The following ZBTB17 variants were observed in gnomAD, a reference collection of about 807,000 sequenced individuals.
ZBTB17 encodes the protein zinc finger and BTB domain containing 17.
In ZBTB17, 24 loss-of-function variants were observed where a neutral mutation model predicts 85.1. That is an observed-to-expected ratio of 0.28 (90% CI 0.20 to 0.40). The LOEUF is 0.40. ZBTB17 is among the 10% of genes least tolerant of loss of function. The pLI is 1.00. For synonymous variants in ZBTB17, 464 were observed against 460.2 expected (o/e 1.01, Z -0.11); for missense variants, 743 against 1,105.1 (o/e 0.67, Z 4.65).
intron 2 of ZBTB17, among the ~76,000 whole-genome samples, chr1:15,972,324 A>G (rs1421050936): frequency 6.6e-6 from 1 of 152,222 alleles, no homozygotes; most frequent in Non-Finnish European, 1.5e-5. Context: ...AAGCCAGAGC[A>G]GCCTGCCTTG....
Position 15,943,428 on chromosome 1 carries a change from C to T in ZBTB17, c.1668G>A (p.Lys556=). Residue 556 remains lysine (K), a synonymous_variant, in exon 12 of 16, where the codon AAG becomes AAA. Transcript: ENST00000375743. ...TGCCGCAGCGCTCGCAGACGTAGGG[C>T]TTCTCCCCGGTGTGCTGGCGCACGT... The part of the protein sequence containing the change: ...IAHVRQHTGE[K]PYVCERCGKR... 6.2e-7 allele frequency: 1 copy of T among 1,608,306 alleles called. No individual in the cohort carries two copies. The highest frequency in any genetic ancestry group is 2.2e-5 in the East Asian group (1 of 44,796).
chr1:15,954,576 G>A (rs1270126171), intron 2 of ZBTB17, among the ~76,000 whole-genome samples: 1 of 152,130 alleles, frequency 6.6e-6, no homozygotes, highest in Admixed American at 6.6e-5. Flanking sequence ...ACTTCCAAAG[G>A]AGCCAGGCAC....
Position 15,946,973 on chromosome 1 carries a change from G to A in ZBTB17, c.356C>T (p.Thr119Ile). 1 of 1,613,676 alleles carries A rather than the reference G, an allele frequency of 6.2e-7. No individual in the cohort carries two copies. The highest frequency in any genetic ancestry group is 1.1e-5 in the South Asian group (1 of 91,078). ...HALKSLAEPA[T>I]SPGGNAEALA... ...GGCCTCCGCATTTCCCCCAGGGCTG[G>A]TAGCCGGCTCAGCAAGTGACTTGAG... The change falls in exon 4 of 16, where the codon ACC becomes ATC. Residue 119 changes from threonine to isoleucine, a missense_variant. This residue lies in a region of ZBTB17 where 279 missense variants were observed against 269.9 expected (regional missense o/e 1.03). Transcript: ENST00000375743.
chr1:15,948,132 G>C (rs764219882), intron 3 of ZBTB17, 159 bp downstream of exon 3: 1 of 834,458 alleles, frequency 1.2e-6, no homozygotes, highest in African/African-American at 1.7e-5. Context: ...CAAAAGGTGG[G>C]AGGAACTTAG....
In ZBTB17 at chr1:15,973,984, G is replaced by C. The variant is rs2148821032; in HGVS notation, c.-89-859C>G. On this transcript the variant is annotated intron_variant, in intron 1 of 15. Coordinates refer to ENST00000375743, the MANE Select transcript of ZBTB17 (RefSeq NM_003443.3). This position sits in a 1 kb window ranked among gnomAD's most constrained non-coding sequence, Gnocchi z 4.1. ...GCGGGAGGATCATTTGAGGCCAAGA[G>C]TTCGAGACCAGTCTGGGCAACATAG... 6.6e-6 allele frequency among the ~76,000 whole-genome samples: 1 copy of C among 152,100 alleles called. No individual in the cohort carries two copies. The highest frequency in any genetic ancestry group is 2.4e-5 in the African/African-American group (1 of 41,490).
At chr1:15,958,135 A>G (rs1402721451) in intron 2 of ZBTB17, among the ~76,000 whole-genome samples, 1 of 152,180 alleles carries the variant, frequency 6.6e-6, no homozygotes, top group East Asian at 1.9e-4. Context: ...CACCATAAAT[A>G]CGAGTGTGCA....
intron 2 of ZBTB17, among the ~76,000 whole-genome samples, chr1:15,962,467 C>T (rs1021871602): frequency 2.6e-5 from 4 of 152,034 alleles, no homozygotes; most frequent in African/African-American, 9.7e-5. Context: ...TGTTTCATGC[C>T]GCCTCACCAG....
In ZBTB17 at chr1:15,943,386, G is replaced by A; in HGVS notation, c.1697+13C>T. On this transcript the variant is annotated intron_variant, in intron 12 of 15. Coordinates refer to ENST00000375743, the MANE Select transcript of ZBTB17 (RefSeq NM_003443.3). ...GGGTGTCTGGCCAGTGGGTGTGGGG[G>A]AGGGGGCAGGACCTCTTGCCGCAGC... 6.3e-7 allele frequency: 1 copy of A among 1,586,586 alleles called. No individual in the cohort carries two copies. The highest frequency in any genetic ancestry group is 8.6e-7 in the Non-Finnish European group (1 of 1,165,322).
intron 2 of ZBTB17, among the ~76,000 whole-genome samples, chr1:15,962,276 C>T (rs2072286525): frequency 6.6e-6 from 1 of 152,174 alleles, no homozygotes; most frequent in African/African-American, 2.4e-5. Flanking sequence ...GTGGGTGGAA[C>T]TGTGCCCTGT....
chr1:15,955,781 C>T (rs182182094), intron 2 of ZBTB17, among the ~76,000 whole-genome samples: 8 of 152,082 alleles, frequency 5.3e-5, no homozygotes, highest in African/African-American at 1.9e-4. Flanking sequence ...TAGTGAGACC[C>T]CATGTCTACA....
intron 2 of ZBTB17, among the ~76,000 whole-genome samples, chr1:15,962,132 G>C (rs2072281551): frequency 6.6e-6 from 1 of 152,160 alleles, no homozygotes; most frequent in South Asian, 2.1e-4. Context: ...ACTTGAGCCT[G>C]GGAGGTTGAG....
chr1:15,957,071 T>C (rs568777406), intron 2 of ZBTB17, among the ~76,000 whole-genome samples: 5 of 150,054 alleles, frequency 3.3e-5, no homozygotes, highest in Non-Finnish European at 7.4e-5. Context: ...TCCCAGCTAC[T>C]CAAGAGGCTG....
chr1:15,943,573 C>A (rs565132468), intron 11 of ZBTB17, 26 bp downstream of exon 11: 4 of 1,612,878 alleles, frequency 2.5e-6, no homozygotes, highest in Non-Finnish European at 3.4e-6. Flanking sequence ...CCCTCCCAGT[C>A]CTGGGCATGG....
Position 15,944,810 on chromosome 1 carries a change from C to T in ZBTB17, c.957G>A (p.Gly319=). The change falls in exon 8 of 16, where the codon GGG becomes GGA. Residue 319 remains glycine, a synonymous_variant. Transcript: ENST00000375743. ...EDCGKEFTHT[G]NFKRHIRIHT... is the part of the protein sequence containing the mutation. ...GGATGCGGATGTGCCGCTTGAAGTTCCCCGTGTGCGTGAACTCCTTCCCAC... is the reference window on the plus strand; with the variant it reads ...GGATGCGGATGTGCCGCTTGAAGTTTCCCGTGTGCGTGAACTCCTTCCCAC... The T allele has an allele frequency of 1.2e-6, 2 of 1,608,624 alleles. No homozygotes were observed. The highest frequency in any genetic ancestry group is 2.2e-5 in the South Asian group (2 of 90,306).
Position 15,945,186 on chromosome 1 carries a change from G to A in ZBTB17, c.678C>T (p.Pro226=), listed in dbSNP as rs79017841. ...TTTGCTCCTCTTCCCCTTTCCGGGC[G>A]GGCTCCACCTCCATTTCTGCGGAGA... ...ESSEQEMEVE[P]ARKGEEEQKE... is the part of the protein sequence containing the mutation. The change falls in exon 7 of 16, where the codon CCC becomes CCT. Residue 226 remains proline, a synonymous_variant. Transcript: ENST00000375743. 49 of 1,555,414 alleles carry A rather than the reference G, an allele frequency of 3.2e-5. No homozygotes were observed. In the African/African-American group the frequency reaches 6.4e-4, roughly 20 times the overall value.
chr1:15,942,000 G>C lies in ZBTB17; in HGVS notation c.2381C>G (p.Thr794Arg). The C allele has an allele frequency of 1.2e-6, 2 of 1,603,782 alleles. No homozygotes were observed. The highest frequency in any genetic ancestry group is 1.7e-6 in the Non-Finnish European group (2 of 1,178,696). The change falls in exon 16 of 16, where the codon ACA becomes AGA. Residue 794 changes from threonine to arginine, a missense_variant. Physicochemically the swap from Thr to Arg is moderately conservative, Grantham distance 71. Around this residue, in one of 4 missense-constraint regions of ZBTB17, gnomAD observed 69 missense variants for 77.0 expected, o/e 0.90. Transcript: ENST00000375743. ...GGCAGGCGGGGGACATTCAGGAGCT[G>C]TAGGGGAGGTCTCTGCCAGTGCGGG... ...GQPALAETSPTAPECPPPAE is the reference protein window; with the variant it reads ...GQPALAETSPRAPECPPPAE
chr1:15,944,036 G>A, intron 9 of ZBTB17, 141 bp from the exon 10 acceptor site: 1 of 979,256 alleles, frequency 1.0e-6, no homozygotes, highest in Non-Finnish European at 1.6e-6. Flanking sequence ...GGTCAGGAGA[G>A]GTCCCAGGTC....
chr1:15,946,033 A>AACACAGGCTC, intron 5 of ZBTB17, 121 bp downstream of exon 5: 1 of 1,563,634 alleles, frequency 6.4e-7, no homozygotes, highest in East Asian at 2.2e-5. Context: ...CATTCTGGGT[A>AACACAGGCTC]ACACAGGCTC....
At chr1:15,950,327 C>CT (rs2071787535) in intron 2 of ZBTB17, among the ~76,000 whole-genome samples, 1 of 152,266 alleles carries the variant, frequency 6.6e-6, no homozygotes, top group Non-Finnish European at 1.5e-5. Flanking sequence ...CAATGTCCAG[C>CT]TTGTGGATCA....
Sources: allele counts gnomAD v4.1 joint callset (sites outside exome capture counted in the v4.1 genomes callset), GRCh38; gene constraint gnomAD v4.1.1; regional missense constraint gnomAD v4.1.1; non-coding constraint Gnocchi (gnomAD v3.1); transcripts MANE v1.5; gene names NCBI Gene and HGNC (gene_info 2026-07-23, HGNC 2026-07-21).